TRPV2: variants seen among roughly 807,000 people sequenced by gnomAD.
TRPV2 encodes transient receptor potential cation channel subfamily V member 2.
In TRPV2, 58 loss-of-function variants were observed where a neutral mutation model predicts 91.0. The ratio of observed to expected loss-of-function variants is 0.64; its 90% CI spans 0.52 to 0.79. TRPV2 has a LOEUF of 0.79. Among genes scored for constraint, TRPV2 ranks in the 30% least tolerant of loss-of-function variants. The pLI is 0.00. For missense variants in TRPV2, 807 were observed against 969.6 expected, an observed-to-expected ratio of 0.83 and a Z score of 2.23; for synonymous variants, 417 against 414.8, an observed-to-expected ratio of 1.01 and a Z score of -0.06.
rs112439313 is a variant in TRPV2, at chr17:16,422,584, C to T, written c.335-15C>T. The T allele has an allele frequency of 1.3e-5, 21 of 1,608,060 alleles. 1 individual carries two copies. In the African/African-American group the frequency reaches 1.7e-4, roughly 13 times the overall value. On this transcript the variant is annotated splice_polypyrimidine_tract_variant and intron_variant, in intron 3 of 14. Transcript: ENST00000338560. ...TCAGCACCACTGTGCCCCTTCCCCT[C>T]CCTTCTTCCCACAGAGGGCTCCACA...
chr17:16,431,292 T>TATATATATATATA (rs1491493192), intron 10 of TRPV2, among the ~76,000 whole-genome samples: 10 of 16,284 alleles, frequency 6.1e-4, no homozygotes, highest in African/African-American at 1.7e-3. Flanking sequence ...TATATACATA[T>TATATATATATATA]TTTTTTTTTT....
At chr17:16,434,810 TG>T (rs1156491048) in intron 13 of TRPV2, 79 bp from the exon 14 acceptor site, 3 of 1,383,148 alleles carry the variant, frequency 2.2e-6, no homozygotes, top group East Asian at 2.3e-5. Context: ...TCTCCCAATT[TG>T]GGGGGCCACG....
In TRPV2 at chr17:16,431,272, TATATATATATATATACA is replaced by T. The variant is rs2093408879; in HGVS notation, c.1588-511_1588-495del. On this transcript the variant is annotated intron_variant, in intron 10 of 14. Transcript: ENST00000338560. ...GATCTGAGACATATATATATATATA[TATATATATATATATACA>T]TATTTTTTTTTTTTTTTTTTTTGAG... Among the ~76,000 whole-genome samples, 2 of 75,390 alleles carry T rather than the reference TATATATATATATATACA, an allele frequency of 2.7e-5. 1 individual carries two copies. Among genetic ancestry groups the T allele is most frequent in the African/African-American group, 1.2e-4 (2 of 17,214 alleles). 49.5% of individuals were successfully genotyped at this position (75,390 alleles called of 152,430 possible).
At chr17:16,421,203 T>C (rs571884485) in intron 3 of TRPV2, among the ~76,000 whole-genome samples, 9 of 152,116 alleles carry the variant, frequency 5.9e-5, no homozygotes, top group African/African-American at 1.7e-4. Context: ...CCACTTTGTT[T>C]ATATTATTCC....
In TRPV2 at chr17:16,432,287, T is replaced by C; in HGVS notation, c.1976T>C (p.Ile659Thr). 2.5e-6 allele frequency: 4 copies of C among 1,605,864 alleles called. No individual in the cohort carries two copies. Among genetic ancestry groups the C allele is most frequent in the Non-Finnish European group, 3.4e-6 (4 of 1,173,580 alleles). The change falls in exon 12 of 15, where the codon ATC becomes ACC. Residue 659 changes from isoleucine to threonine, a missense_variant. By Grantham distance (89) the Ile-to-Thr change is moderately conservative (BLOSUM62 -1). Coordinates refer to ENST00000338560, the MANE Select transcript of TRPV2 (RefSeq NM_016113.5). ...VNSVATDSWS[I>T]WKLQKAISVL... The stretch of plus-strand genomic sequence containing the variant: ...AGTGTCGCCACTGACAGCTGGAGCA[T>C]CTGGAAGCTGCAGGTGCCACCAGAG...
At chr17:16,429,005 C>G (rs200962056) in intron 10 of TRPV2, 23 bp downstream of exon 10, 1 of 1,613,032 alleles carries the variant, frequency 6.2e-7, no homozygotes, top group Non-Finnish European at 8.5e-7. Context: ...GGTGGCCCAC[C>G]GGGACTCTTT....
chr17:16,417,819 G>A lies in TRPV2; in HGVS notation c.151G>A (p.Ala51Thr), dbSNP rs367945688. 34 of 1,614,048 alleles carry A rather than the reference G, an allele frequency of 2.1e-5. No homozygotes were observed. Among genetic ancestry groups the A allele is most frequent in the East Asian group, 8.9e-5 (4 of 44,876 alleles). Residue 51 changes from alanine (A) to threonine (T), a missense_variant, in exon 2 of 15, where the codon GCC becomes ACC. Coordinates refer to ENST00000338560, the MANE Select transcript of TRPV2 (RefSeq NM_016113.5). ...GTTCCAGGGCGAGGACCGGAAATTC[G>A]CCCCTCAGATAAGAGTCAACCTCAA... is the stretch of plus-strand genomic sequence containing the variant. ...SQFQGEDRKF[A>T]PQIRVNLNYR...
At chr17:16,417,978 C>T in intron 2 of TRPV2, 110 bp downstream of exon 2, 1 of 1,091,174 alleles carries the variant, frequency 9.2e-7, no homozygotes, top group Non-Finnish European at 1.3e-6. Flanking sequence ...TTCCCACAGC[C>T]TGTGGAGTCC....
Position 16,434,884 on chromosome 17 carries a change from C to T in TRPV2, c.2115-6C>T. ...GCAAACCTCAGAGCTGCTCTGTTGC[C>T]CTCAGGGTGGAGGAGGTGAACTGGG... On this transcript the variant is annotated splice_region_variant and splice_polypyrimidine_tract_variant and intron_variant, in intron 13 of 14. Coordinates refer to ENST00000338560, the MANE Select transcript of TRPV2 (RefSeq NM_016113.5). The T allele has an allele frequency of 6.2e-7, 1 of 1,610,828 alleles. No homozygotes were observed. Among genetic ancestry groups the T allele is most frequent in the East Asian group, 2.2e-5 (1 of 44,702 alleles).
At position 16,426,053 on chromosome 17, in the gene TRPV2, T is replaced by C. The variant is rs964495718; in HGVS notation, c.925-46T>C. 3 of 1,606,916 alleles carry C rather than the reference T, an allele frequency of 1.9e-6. No individual in the cohort carries two copies. In the South Asian group the frequency reaches 3.3e-5, roughly 18 times the overall value. ...TTTCCCAGCCTTGGCCCAGGATCAGTGCCAGGAAGGGACCATGAATGCAAG... is the reference window on the plus strand; with the variant it reads ...TTTCCCAGCCTTGGCCCAGGATCAGCGCCAGGAAGGGACCATGAATGCAAG... On this transcript the variant is annotated intron_variant, in intron 5 of 14. Coordinates refer to ENST00000338560, the MANE Select transcript of TRPV2 (RefSeq NM_016113.5). The surrounding 1 kb of genome is among the most constrained non-coding windows in gnomAD (Gnocchi z 6.0).
chr17:16,421,216 T>G (rs4792741), intron 3 of TRPV2, among the ~76,000 whole-genome samples: 29 of 142,714 alleles, frequency 2.0e-4, no homozygotes, highest in Admixed American at 2.0e-3. Flanking sequence ...ATTATTCCCC[T>G]TTTTTTTTTT....
At chr17:16,430,363 A>C (rs2093403927) in intron 10 of TRPV2, among the ~76,000 whole-genome samples, 1 of 152,092 alleles carries the variant, frequency 6.6e-6, no homozygotes, top group Non-Finnish European at 1.5e-5. Context: ...TACGAATTTG[A>C]TGACCATAGC....
At chr17:16,434,825 C>A (rs752838365) in intron 13 of TRPV2, 65 bp from the exon 14 acceptor site, 11 of 1,540,014 alleles carry the variant, frequency 7.1e-6, no homozygotes, top group Non-Finnish European at 9.8e-6. Flanking sequence ...GGCCACGCCC[C>A]TCTCCGGGGT....
rs567697000 is a variant in TRPV2 at position 16,423,656 on chromosome 17, T to C, written c.813T>C (p.Asp271=). The change falls in exon 5 of 15, where the codon GAT becomes GAC. Residue 271 remains aspartate, a synonymous_variant. Transcript: ENST00000338560. ...ENIALVTSMY[D]GLLQAGARLC... Reference sequence around the variant, plus strand: ...TTGCACTGGTGACCAGCATGTATGATGGGCTCCTCCAAGCTGGGGCCCGCC... The same window carrying C: ...TTGCACTGGTGACCAGCATGTATGACGGGCTCCTCCAAGCTGGGGCCCGCC... The C allele has an allele frequency of 1.2e-6, 2 of 1,614,168 alleles. No homozygotes were observed. Among genetic ancestry groups the C allele is most frequent in the South Asian group, 2.2e-5 (2 of 91,086 alleles).
intron 12 of TRPV2, 88 bp from the exon 13 acceptor site, chr17:16,433,486 C>T (rs1361753445): frequency 1.4e-5 from 22 of 1,545,546 alleles, no homozygotes; most frequent in Middle Eastern, 3.5e-4. Flanking sequence ...AAGTGCTGCG[C>T]GGCACTTCCC....
rs1453186130 is a variant in TRPV2, at chr17:16,423,113, G to C, written c.625+224G>C. 2.0e-5 allele frequency among the ~76,000 whole-genome samples: 3 copies of C among 152,220 alleles called. 1 individual carries two copies. The highest frequency in any genetic ancestry group is 4.1e-4 in the South Asian group (2 of 4,828). Reference sequence around the variant, plus strand: ...TCCTCCTGCCTTAGCTTCTCGAGCTGGGGCTACAAGTGTGTGCCACCACAT... The same window carrying C: ...TCCTCCTGCCTTAGCTTCTCGAGCTCGGGCTACAAGTGTGTGCCACCACAT... On this transcript the variant is annotated intron_variant, in intron 4 of 14. Coordinates refer to ENST00000338560, the MANE Select transcript of TRPV2 (RefSeq NM_016113.5).
At chr17:16,434,340 C>T (rs1217784254) in intron 13 of TRPV2, among the ~76,000 whole-genome samples, 7 of 152,058 alleles carry the variant, frequency 4.6e-5, no homozygotes, top group South Asian at 4.2e-4. Context: ...TGGTGGCGGG[C>T]GCCTGTAGTC....
chr17:16,434,296 A>G (rs191760121), intron 13 of TRPV2, among the ~76,000 whole-genome samples: 19 of 152,028 alleles, frequency 1.2e-4, no homozygotes, highest in Middle Eastern at 3.4e-3. Context: ...GTGAAACCCC[A>G]TCTCTACTAA....
Position 16,417,875 on chromosome 17 carries a change from C to G in TRPV2, c.200+7C>G, listed in dbSNP as rs752260022. On this transcript the variant is annotated splice_region_variant and intron_variant, in intron 2 of 14. Coordinates refer to ENST00000338560, the MANE Select transcript of TRPV2 (RefSeq NM_016113.5). ...GAAAGGGAACAGGTGCCAGGTGAGACAGCAAGTGGGGGCAGGGCAAAGGGG... is the reference window on the plus strand; with the variant it reads ...GAAAGGGAACAGGTGCCAGGTGAGAGAGCAAGTGGGGGCAGGGCAAAGGGG... The G allele has an allele frequency of 8.7e-6, 14 of 1,613,076 alleles. No individual in the cohort carries two copies. In the Admixed American group the frequency reaches 2.3e-4, roughly 27 times the overall value.
Sources: allele counts gnomAD v4.1 joint callset (sites outside exome capture counted in the v4.1 genomes callset), GRCh38; gene constraint gnomAD v4.1.1; non-coding constraint Gnocchi (gnomAD v3.1); transcripts MANE v1.5; gene names NCBI Gene and HGNC (gene_info 2026-07-23, HGNC 2026-07-21).